The following ZNF8 variants were observed in gnomAD, a reference collection of about 807,000 sequenced individuals.
The protein encoded by ZNF8 is zinc finger protein 8.
A neutral mutation model predicts 12.2 loss-of-function variants in ZNF8; 9 were observed. That is an observed-to-expected ratio of 0.73 (90% CI 0.44 to 1.28). ZNF8 has a LOEUF of 1.28. Among genes scored for constraint, ZNF8 ranks in the 50% most tolerant of loss-of-function variants. The pLI, the probability that ZNF8 is intolerant of heterozygous loss-of-function variation, is 0.00. For synonymous variants in ZNF8, 274 were observed against 282.3 expected, an observed-to-expected ratio of 0.97 and a Z score of 0.30; for missense variants, 664 against 729.1, an observed-to-expected ratio of 0.91 and a Z score of 1.03.
intron 3 of ZNF8, chr19:58,286,419 C>A: frequency 2.2e-6 from 1 of 448,442 alleles, no homozygotes; most frequent in Admixed American, 3.6e-5. Context: ...GGAAGCCAGG[C>A]ATGAGCCTCC....
In ZNF8 at chr19:58,294,676, T is replaced by C. The variant is rs200141545; in HGVS notation, c.868T>C (p.Cys290Arg). The change falls in exon 4 of 4, where the codon TGT becomes CGT. Residue 290 changes from cysteine to arginine, a missense_variant. Around this residue, in one of 3 missense-constraint regions of ZNF8, gnomAD observed 133 missense variants for 198.4 expected, o/e 0.67. Coordinates refer to ENST00000621650, the MANE Select transcript of ZNF8 (RefSeq NM_021089.3). The surrounding 1 kb of genome is among the most constrained non-coding windows in gnomAD (Gnocchi z 5.5). ...TGERPYMCKE[C>R]GKAFSQNSSL... ...AGAAAGACCTTATATGTGCAAGGAG[T>C]GTGGGAAAGCCTTCAGCCAGAACTC... 1 of 1,613,910 alleles carries C rather than the reference T, an allele frequency of 6.2e-7. No homozygotes were observed. The highest frequency in any genetic ancestry group is 8.5e-7 in the Non-Finnish European group (1 of 1,179,982).
At position 58,295,681 on chromosome 19, in the gene ZNF8, A is replaced by AGGTT; in HGVS notation, c.*153_*156dup. Reference sequence around the variant, plus strand: ...GGAAATGATGCTTCCCAAGCACCCGAGGTTGGTTGGTCCCAAATCTATCAA... The same window carrying AGGTT: ...GGAAATGATGCTTCCCAAGCACCCGAGGTTGGTTGGTTGGTCCCAAATCTATCAA... On this transcript the variant is annotated 3_prime_UTR_variant, in exon 4 of 4. Transcript: ENST00000621650. 1 of 744,418 alleles carries AGGTT rather than the reference A, an allele frequency of 1.3e-6. No homozygotes were observed. Among genetic ancestry groups the AGGTT allele is most frequent in the Admixed American group, 2.9e-5 (1 of 34,268 alleles). The allele number at this position is 744,418 out of a possible 1,614,324, so 46.1% of individuals were successfully genotyped here.
Position 58,295,468 on chromosome 19 carries a change from C to T in ZNF8, c.1660C>T (p.His554Tyr). Residue 554 changes from histidine (H) to tyrosine (Y), a missense_variant, in exon 4 of 4, where the codon CAC becomes TAC. His to Tyr is a moderately conservative substitution (Grantham distance 83). Coordinates refer to ENST00000621650, the MANE Select transcript of ZNF8 (RefSeq NM_021089.3). The stretch of plus-strand genomic sequence containing the variant: ...AATCATGCAAGAGAAAAACCCTGTG[C>T]ACGTTATTGGGGTGGAAGAGCCTTC... ...QKIMQEKNPV[H>Y]VIGVEEPSVG... 1.2e-6 allele frequency: 2 copies of T among 1,613,432 alleles called. No homozygotes were observed. Among genetic ancestry groups the T allele is most frequent in the Admixed American group, 1.7e-5 (1 of 60,024 alleles).
intron 1 of ZNF8, among the ~76,000 whole-genome samples, chr19:58,281,507 A>C (rs920842893): frequency 1.3e-5 from 2 of 152,204 alleles, no homozygotes; most frequent in African/African-American, 4.8e-5. Flanking sequence ...GTATGATGCC[A>C]CTGAGAATTC....
Position 58,301,352 on chromosome 19 carries a change from T to G in ZNF8, c.*5816T>G, listed in dbSNP as rs1869346805. On this transcript the variant is annotated 3_prime_UTR_variant, in exon 4 of 4. Coordinates refer to ENST00000621650, the MANE Select transcript of ZNF8 (RefSeq NM_021089.3). ...ATGTAAACATTTCGGATTTGCTTAC[T>G]TCATCCCCACTGCCACCAACAGTGC... The G allele has an allele frequency of 6.6e-6, 1 of 152,270 alleles. No individual in the cohort carries two copies. The highest frequency in any genetic ancestry group is 2.4e-5 in the African/African-American group (1 of 41,456). The allele number at this position is 152,270 out of a possible 1,614,324, so 9.4% of individuals were successfully genotyped here.
intron 1 of ZNF8, chr19:58,279,659 C>T: frequency 2.6e-6 from 4 of 1,533,592 alleles, no homozygotes; most frequent in Non-Finnish European, 3.5e-6. Flanking sequence ...TGATGGGTCA[C>T]CACGCACTGA....
At position 58,294,947 on chromosome 19, in the gene ZNF8, G is replaced by A; in HGVS notation, c.1139G>A (p.Arg380Gln). The change falls in exon 4 of 4, where the codon CGG becomes CAG. Residue 380 changes from arginine to glutamine, a missense_variant. By Grantham distance (43) the Arg-to-Gln change is conservative. Transcript: ENST00000621650. The surrounding 1 kb of genome is among the most constrained non-coding windows in gnomAD (Gnocchi z 5.5). The part of the protein sequence containing the change: ...TCSVCGKSFS[R>Q]TTCLFLHLRT... Reference sequence around the variant, plus strand: ...AGTGTGTGTGGGAAATCCTTCTCTCGGACCACTTGCCTTTTCCTGCACCTG... The same window carrying A: ...AGTGTGTGTGGGAAATCCTTCTCTCAGACCACTTGCCTTTTCCTGCACCTG... The A allele has an allele frequency of 1.2e-6, 2 of 1,614,096 alleles. No homozygotes were observed. Among genetic ancestry groups the A allele is most frequent in the Non-Finnish European group, 8.5e-7 (1 of 1,180,008 alleles).
chr19:58,285,426 A>T (rs901790713), intron 1 of ZNF8, among the ~76,000 whole-genome samples: 1 of 152,158 alleles, frequency 6.6e-6, no homozygotes, highest in Non-Finnish European at 1.5e-5. Context: ...CAAACCTGCA[A>T]ATAAGTGGTT....
chr19:58,291,437 G>A lies in ZNF8; in HGVS notation c.290-2661G>A, dbSNP rs570167018. ...TAGTGTTCTCAAGTCCCCCTCCTCCGGATGTTCTTCCGCACTCTCCCAGCA... is the reference window on the plus strand; with the variant it reads ...TAGTGTTCTCAAGTCCCCCTCCTCCAGATGTTCTTCCGCACTCTCCCAGCA... On this transcript the variant is annotated intron_variant, in intron 3 of 3. Transcript: ENST00000621650. Among the ~76,000 whole-genome samples the A allele has an allele frequency of 2.1e-3, 321 of 152,266 alleles. 3 individuals are homozygous for A. The highest frequency in any genetic ancestry group is 3.3e-3 in the Non-Finnish European group (224 of 68,016).
rs985817862 is a variant in ZNF8, at chr19:58,302,223, A to G, written c.*6687A>G. The G allele has an allele frequency of 6.6e-6, 1 of 152,224 alleles. No homozygotes were observed. The highest frequency in any genetic ancestry group is 2.4e-5 in the African/African-American group (1 of 41,470). 9.4% of individuals were successfully genotyped at this position (152,224 alleles called of 1,614,324 possible). On this transcript the variant is annotated 3_prime_UTR_variant, in exon 4 of 4. Transcript: ENST00000621650. The stretch of plus-strand genomic sequence containing the variant: ...GAAATTACTGTTAACTAGGGAAAAG[A>G]CATGTTTTTTTCTGTTCATAAAAGT...
At chr19:58,292,740 G>A (rs567017314) in intron 3 of ZNF8, among the ~76,000 whole-genome samples, 2 of 152,256 alleles carry the variant, frequency 1.3e-5, no homozygotes, top group East Asian at 1.9e-4. Context: ...ATGTTGTAGC[G>A]TATGTCAGTA....
chr19:58,283,599 C>CA (rs1555774214), intron 1 of ZNF8, among the ~76,000 whole-genome samples: 11 of 122,876 alleles, frequency 9.0e-5, no homozygotes, highest in Non-Finnish European at 1.8e-4. Context: ...GAAATAAACT[C>CA]TTTTTTTTTT....
Position 58,301,238 on chromosome 19 carries a change from T to A in ZNF8, c.*5702T>A, listed in dbSNP as rs1364446685. 1 of 152,244 alleles carries A rather than the reference T, an allele frequency of 6.6e-6. No individual in the cohort carries two copies. The highest frequency in any genetic ancestry group is 2.4e-5 in the African/African-American group (1 of 41,454). 9.4% of individuals were successfully genotyped at this position (152,244 alleles called of 1,614,324 possible). On this transcript the variant is annotated 3_prime_UTR_variant, in exon 4 of 4. Transcript: ENST00000621650. ...CCCTTTCCTGGAGGCTGTTTCCACT[T>A]GCCATCCCATCATGGAAGCCAGAAA... is the stretch of plus-strand genomic sequence containing the variant.
At position 58,295,690 on chromosome 19, in the gene ZNF8, G is replaced by C; in HGVS notation, c.*154G>C. The stretch of plus-strand genomic sequence containing the variant: ...GCTTCCCAAGCACCCGAGGTTGGTT[G>C]GTCCCAAATCTATCAAACTCAGTGC... On this transcript the variant is annotated 3_prime_UTR_variant, in exon 4 of 4. Coordinates refer to ENST00000621650, the MANE Select transcript of ZNF8 (RefSeq NM_021089.3). 4 of 677,138 alleles carry C rather than the reference G, an allele frequency of 5.9e-6. No homozygotes were observed. The highest frequency in any genetic ancestry group is 9.8e-6 in the Non-Finnish European group (4 of 409,082). The allele number at this position is 677,138 out of a possible 1,614,324, so 41.9% of individuals were successfully genotyped here.
Position 58,302,643 on chromosome 19 carries a change from G to C in ZNF8, c.*7107G>C, listed in dbSNP as rs145850750. On this transcript the variant is annotated 3_prime_UTR_variant, in exon 4 of 4. Transcript: ENST00000621650. ...TTACCAGCCTTGAGTTTTCTCAAAG[G>C]GGGCATTGGAGGGGTTCTTATACAT... is the stretch of plus-strand genomic sequence containing the variant. 1 of 152,272 alleles carries C rather than the reference G, an allele frequency of 6.6e-6. No homozygotes were observed. Among genetic ancestry groups the C allele is most frequent in the East Asian group, 1.9e-4 (1 of 5,188 alleles). 9.4% of individuals were successfully genotyped at this position (152,272 alleles called of 1,614,324 possible).
chr19:58,287,309 G>A (rs2051389387), intron 3 of ZNF8, among the ~76,000 whole-genome samples: 2 of 149,456 alleles, frequency 1.3e-5, no homozygotes, highest in Non-Finnish European at 3.0e-5. Context: ...AAAGTGCTGG[G>A]ACTACAGGCG....
In ZNF8 at chr19:58,294,459, C is replaced by A; in HGVS notation, c.651C>A (p.Val217=). Residue 217 remains valine (V), a synonymous_variant, in exon 4 of 4, where the codon GTC becomes GTA. Coordinates refer to ENST00000621650, the MANE Select transcript of ZNF8 (RefSeq NM_021089.3). This position sits in a 1 kb window ranked among gnomAD's most constrained non-coding sequence, Gnocchi z 5.5. The stretch of plus-strand genomic sequence containing the variant: ...ACTCAGAACATAACTCCAGCTTAGT[C>A]AGTCAGCAGACAGGCTCCCCAGGAA... ...ITDSEHNSSL[V]SQQTGSPGKQ... 1 of 1,614,152 alleles carries A rather than the reference C, an allele frequency of 6.2e-7. No homozygotes were observed. Among genetic ancestry groups the A allele is most frequent in the South Asian group, 1.1e-5 (1 of 91,070 alleles).
rs1292777682 is a variant in ZNF8 at position 58,296,857 on chromosome 19, A to G, written c.*1321A>G. On this transcript the variant is annotated 3_prime_UTR_variant, in exon 4 of 4. Transcript: ENST00000621650. ...GCCCGGGACAGCTCCTCAACAAAGG[A>G]TTCTCTAGCTCAAATGTCAATAGTG... is the stretch of plus-strand genomic sequence containing the variant. 6.6e-6 allele frequency: 1 copy of G among 152,216 alleles called. No homozygotes were observed. The highest frequency in any genetic ancestry group is 6.5e-5 in the Admixed American group (1 of 15,278). The allele number at this position is 152,216 out of a possible 1,614,324, so 9.4% of individuals were successfully genotyped here.
In ZNF8 at chr19:58,286,139, T is replaced by G. The variant is rs745759022; in HGVS notation, c.223T>G (p.Ser75Ala). The change falls in exon 3 of 4, where the codon TCC becomes GCC. Residue 75 changes from serine (S) to alanine (A), a missense_variant. Coordinates refer to ENST00000621650, the MANE Select transcript of ZNF8 (RefSeq NM_021089.3). ...TGAGCTTCCGAAGCCTGAAGTCATC[T>G]CCCAGCTGGAGCAAGGGACCGAGCT... ...GPELPKPEVI[S>A]QLEQGTELWV... 14 of 1,613,924 alleles carry G rather than the reference T, an allele frequency of 8.7e-6. No individual in the cohort carries two copies. The highest frequency in any genetic ancestry group is 1.1e-5 in the Non-Finnish European group (13 of 1,179,996).
Sources: allele counts gnomAD v4.1 joint callset (sites outside exome capture counted in the v4.1 genomes callset), GRCh38; gene constraint gnomAD v4.1.1; regional missense constraint gnomAD v4.1.1; non-coding constraint Gnocchi (gnomAD v3.1); transcripts MANE v1.5; gene names NCBI Gene and HGNC (gene_info 2026-07-23, HGNC 2026-07-21).